The following RIC8B variants were observed in gnomAD, a reference collection of about 807,000 sequenced individuals.
RIC8B encodes RIC8 guanine nucleotide exchange factor B.
RIC8B carries 16 observed loss-of-function variants against 57.5 expected under a neutral mutation model. That is an observed-to-expected ratio of 0.28 (90% CI 0.19 to 0.42). The LOEUF (loss-of-function observed/expected upper bound fraction) is 0.42. RIC8B is among the 10% of genes least tolerant of loss of function. The pLI, the probability that RIC8B is intolerant of heterozygous loss-of-function variation, is 1.00. For synonymous variants in RIC8B, 216 were observed against 250.8 expected, an observed-to-expected ratio of 0.86 and a Z score of 1.31; for missense variants, 481 against 677.0, an observed-to-expected ratio of 0.71 and a Z score of 3.21.
intron 2 of RIC8B, 110 bp from the exon 3 acceptor site, chr12:106,814,586 C>G (rs2045487539): frequency 8.6e-7 from 1 of 1,165,684 alleles, no homozygotes; most frequent in Non-Finnish European, 1.2e-6. Flanking sequence ...TAATAAAAAC[C>G]TTTTCTCTCT....
chr12:106,794,920 G>A (rs951450790), intron 2 of RIC8B, among the ~76,000 whole-genome samples: 3 of 152,184 alleles, frequency 2.0e-5, no homozygotes, highest in Non-Finnish European at 4.4e-5. Context: ...TTGATTTTAA[G>A]AGCATTTGTA....
chr12:106,806,792 G>A (rs896720758), intron 2 of RIC8B, among the ~76,000 whole-genome samples: 2 of 152,088 alleles, frequency 1.3e-5, no homozygotes, highest in African/African-American at 4.8e-5. Context: ...TCATGCCATT[G>A]CACTCCATCC....
intron 2 of RIC8B, among the ~76,000 whole-genome samples, chr12:106,797,189 C>T (rs957480196): frequency 6.6e-6 from 1 of 152,136 alleles, no homozygotes; most frequent in African/African-American, 2.4e-5. Context: ...AATACATATC[C>T]ACATGAAAAC....
intron 6 of RIC8B, among the ~76,000 whole-genome samples, chr12:106,845,320 T>C (rs1351010560): frequency 2.5e-5 from 3 of 120,130 alleles, no homozygotes; most frequent in African/African-American, 1.1e-4. Flanking sequence ...AAGATGACTA[T>C]TTCACAGCTT....
chr12:106,817,187 CCCTGCATTATGTAATA>C (rs1335444839), intron 3 of RIC8B, among the ~76,000 whole-genome samples: 1 of 152,126 alleles, frequency 6.6e-6, no homozygotes, highest in Non-Finnish European at 1.5e-5. Context: ...AGACATAATG[CCCTGCATTATGTAATA>C]TTTTGGCAAA....
At chr12:106,877,545 A>G (rs1310338328) in intron 9 of RIC8B, among the ~76,000 whole-genome samples, 1 of 152,206 alleles carries the variant, frequency 6.6e-6, no homozygotes, top group Non-Finnish European at 1.5e-5. Context: ...TATATTTTAA[A>G]ACACAAAACA....
chr12:106,798,358 T>TA (rs113938397), intron 2 of RIC8B, among the ~76,000 whole-genome samples: 1 of 152,134 alleles, frequency 6.6e-6, no homozygotes, highest in Non-Finnish European at 1.5e-5. Context: ...TATTTGTAGA[T>TA]AAAAAAACTA....
chr12:106,794,366 A>C (rs1189025483), intron 2 of RIC8B, among the ~76,000 whole-genome samples: 2 of 152,208 alleles, frequency 1.3e-5, no homozygotes, highest in Non-Finnish European at 2.9e-5. Flanking sequence ...GAAGGAGAGG[A>C]GAGAGAAAGA....
At chr12:106,855,991 A>G (rs898348447) in intron 7 of RIC8B, among the ~76,000 whole-genome samples, 1 of 152,140 alleles carries the variant, frequency 6.6e-6, no homozygotes, top group Non-Finnish European at 1.5e-5. Context: ...TTTCTCTGCA[A>G]ACAGTACCAC....
chr12:106,878,416 T>A (rs960227902), intron 9 of RIC8B, among the ~76,000 whole-genome samples: 1 of 152,192 alleles, frequency 6.6e-6, no homozygotes, highest in African/African-American at 2.4e-5. Flanking sequence ...GATACTGAAA[T>A]CTTGATATAA....
At position 106,879,573 on chromosome 12, in the gene RIC8B, A is replaced by T; in HGVS notation, c.1572-6331A>T. 1 of 985,268 alleles carries T rather than the reference A, an allele frequency of 1.0e-6. No homozygotes were observed. The highest frequency in any genetic ancestry group is 1.2e-6 in the Non-Finnish European group (1 of 829,860). 61.0% of individuals were successfully genotyped at this position (985,268 alleles called of 1,614,324 possible). A position where few individuals can be genotyped will look rare whatever the true frequency, so the allele number is the denominator to read the frequency against. The stretch of plus-strand genomic sequence containing the variant: ...ACCAGAATATTTTAAATATGGTGTA[A>T]ATTCCGTATCTCCCATCCCTAGCTC... On this transcript the variant is annotated intron_variant, in intron 9 of 9. Transcript: ENST00000392837. The surrounding 1 kb of genome is among the most constrained non-coding windows in gnomAD (Gnocchi z 4.9).
At chr12:106,856,743 G>A (rs554228121) in intron 7 of RIC8B, among the ~76,000 whole-genome samples, 2 of 152,196 alleles carry the variant, frequency 1.3e-5, no homozygotes, top group African/African-American at 4.8e-5. Context: ...ACTCATCTTT[G>A]GATCCCCAGT....
chr12:106,809,274 A>G (rs1162834427), intron 2 of RIC8B, among the ~76,000 whole-genome samples: 2 of 152,196 alleles, frequency 1.3e-5, no homozygotes, highest in African/African-American at 2.4e-5. Flanking sequence ...CTGTAATCCC[A>G]GCACTTTGGG....
intron 9 of RIC8B, chr12:106,871,609 G>A (rs1019305646): frequency 6.6e-6 from 1 of 151,934 alleles, no homozygotes; most frequent in Non-Finnish European, 1.5e-5. Context: ...TCATCTTGGA[G>A]GAGTTATTAG....
intron 3 of RIC8B, among the ~76,000 whole-genome samples, chr12:106,819,157 GTC>G (rs1566082740): frequency 6.6e-6 from 1 of 152,056 alleles, no homozygotes; most frequent in Non-Finnish European, 1.5e-5. Context: ...AATAATCTTA[GTC>G]TTTTTTCTTC....
chr12:106,873,296 G>C, intron 9 of RIC8B: 1 of 528,102 alleles, frequency 1.9e-6, no homozygotes, highest in Non-Finnish European at 2.4e-6. Flanking sequence ...AAATCATACA[G>C]AATTTTTGCA....
At chr12:106,884,768 A>G (rs112278046) in intron 9 of RIC8B, among the ~76,000 whole-genome samples, 7,371 of 152,046 alleles carry the variant, frequency 0.048, 350 homozygotes, top group African/African-American at 0.13. Context: ...TCCCCAGGAG[A>G]TTTCACTGTG....
intron 4 of RIC8B, among the ~76,000 whole-genome samples, chr12:106,829,248 T>C (rs911783036): frequency 6.6e-6 from 1 of 152,182 alleles, no homozygotes; most frequent in African/African-American, 2.4e-5. Flanking sequence ...TCTATGTGCC[T>C]GAAAGTATTT....
chr12:106,860,386 T>C lies in RIC8B; in HGVS notation c.1425T>C (p.Thr475=). The change falls in exon 8 of 10, where the codon ACT becomes ACC. Residue 475 remains threonine (T), a synonymous_variant. Transcript: ENST00000392837. ...NWYSEDEDTD[T]EEYKNAKPNI... is the part of the protein sequence containing the mutation. ...ACTCAGAGGATGAGGACACAGACACTGAAGAATACAAAAATGCAAAACCAA... is the reference window on the plus strand; with the variant it reads ...ACTCAGAGGATGAGGACACAGACACCGAAGAATACAAAAATGCAAAACCAA... The C allele has an allele frequency of 6.3e-7, 1 of 1,582,554 alleles. No homozygotes were observed. The highest frequency in any genetic ancestry group is 8.6e-7 in the Non-Finnish European group (1 of 1,166,130).
Sources: gnomAD v4.1 joint callset for allele counts (sites outside exome capture counted in the v4.1 genomes callset) on GRCh38, gnomAD v4.1.1 for gene constraint, Gnocchi (gnomAD v3.1) non-coding constraint, MANE v1.5 for transcripts, NCBI Gene and HGNC (gene_info 2026-07-23, HGNC 2026-07-21) for gene names.